Variants in THSD7A observed in about 807,000 individuals in gnomAD.
THSD7A encodes the protein thrombospondin type 1 domain containing 7A.
In THSD7A, 96 loss-of-function variants were observed where a neutral mutation model predicts 231.3. The ratio of observed to expected loss-of-function variants is 0.41; its 90% CI spans 0.35 to 0.49. The LOEUF is 0.49. THSD7A is among the 20% of genes least tolerant of loss of function. THSD7A has a pLI of 0.05. For missense variants in THSD7A, 2,290 were observed against 2,070.2 expected (o/e 1.11, Z -2.06); for synonymous variants, 940 against 743.3 (o/e 1.26, Z -4.30).
chr7:11,623,456 C>T (rs1314212934), intron 2 of THSD7A, among the ~76,000 whole-genome samples: 3 of 152,022 alleles, frequency 2.0e-5, no homozygotes, highest in African/African-American at 7.2e-5. Context: ...AGTCCTCCTT[C>T]CTTATTCATC....
intron 23 of THSD7A, among the ~76,000 whole-genome samples, chr7:11,396,100 A>C (rs1287466267): frequency 2.0e-5 from 3 of 152,242 alleles, no homozygotes; most frequent in Admixed American, 6.5e-5. Flanking sequence ...GAAACCAATG[A>C]GTTCAAAGAC....
At chr7:11,558,495 T>A (rs1789940800) in intron 4 of THSD7A, among the ~76,000 whole-genome samples, 2 of 152,126 alleles carry the variant, frequency 1.3e-5, no homozygotes, top group Admixed American at 1.3e-4. Context: ...TCACAGAACT[T>A]TCTGTTTTAA....
Position 11,592,097 on chromosome 7 carries a change from A to C in THSD7A, c.1271+1157T>G, listed in dbSNP as rs542181432. ...GAGAGAAAATACAGGAAATCCTGGC[A>C]ACTTCCTTGAGCCTATTATGTGGGG... is the stretch of plus-strand genomic sequence containing the variant. On this transcript the variant is annotated intron_variant, in intron 3 of 27. Transcript: ENST00000423059. Among the ~76,000 whole-genome samples, 9 of 152,324 alleles carry C rather than the reference A, an allele frequency of 5.9e-5. No homozygotes were observed. In the South Asian group the frequency reaches 1.0e-3, roughly 18 times the overall value.
intron 23 of THSD7A, among the ~76,000 whole-genome samples, chr7:11,400,621 T>G (rs963357222): frequency 2.8e-4 from 42 of 152,214 alleles, no homozygotes; most frequent in Admixed American, 2.0e-4. Context: ...TACTCTTTAC[T>G]TATCCTATGC....
At chr7:11,826,812 CA>C (rs3037773) in intron 1 of THSD7A, among the ~76,000 whole-genome samples, 6,801 of 120,560 alleles carry the variant, frequency 0.056, 437 homozygotes, top group African/African-American at 0.19. Flanking sequence ...GCCTCTGTCT[CA>C]AAAAAAAAAA....
At chr7:11,724,802 T>C (rs1388278906) in intron 1 of THSD7A, among the ~76,000 whole-genome samples, 1 of 151,902 alleles carries the variant, frequency 6.6e-6, no homozygotes, top group Non-Finnish European at 1.5e-5. Context: ...GAAACATATG[T>C]ATAAGTAGAT....
intron 19 of THSD7A, among the ~76,000 whole-genome samples, chr7:11,408,408 GA>G (rs1783660748): frequency 6.6e-6 from 1 of 151,540 alleles, no homozygotes; most frequent in Admixed American, 6.6e-5. Flanking sequence ...TGAGGCAGGA[GA>G]ATTGCTTGAA....
At chr7:11,682,357 C>A (rs939885774) in intron 1 of THSD7A, among the ~76,000 whole-genome samples, 3 of 152,024 alleles carry the variant, frequency 2.0e-5, no homozygotes, top group Admixed American at 2.0e-4. Context: ...TTTAAGAGAT[C>A]TATCTCAAAT....
chr7:11,492,971 G>A (rs1583843933), intron 6 of THSD7A, among the ~76,000 whole-genome samples: 1 of 152,094 alleles, frequency 6.6e-6, no homozygotes. Context: ...AATGGAGGAA[G>A]TGCTCTATAA....
intron 6 of THSD7A, among the ~76,000 whole-genome samples, chr7:11,489,362 C>T (rs1562651853): frequency 6.6e-6 from 1 of 152,036 alleles, no homozygotes. Context: ...GCTATAGGCC[C>T]CTGACCTCTT....
At chr7:11,473,502 A>T (rs372807719) in intron 8 of THSD7A, among the ~76,000 whole-genome samples, 5 of 152,168 alleles carry the variant, frequency 3.3e-5, no homozygotes, top group African/African-American at 1.2e-4. Context: ...AAATCGACTC[A>T]TTTATCATTT....
intron 1 of THSD7A, among the ~76,000 whole-genome samples, chr7:11,787,949 T>C (rs897317766): frequency 6.6e-6 from 1 of 152,092 alleles, no homozygotes; most frequent in East Asian, 1.9e-4. Context: ...TCTCAGGCAT[T>C]AGTTCCATGT....
chr7:11,588,817 A>G (rs950496513), intron 4 of THSD7A, among the ~76,000 whole-genome samples: 7 of 152,204 alleles, frequency 4.6e-5, no homozygotes, highest in African/African-American at 1.7e-4. Flanking sequence ...GCAGCCATTA[A>G]AGTGGCCAAG....
chr7:11,586,714 T>C (rs972208137), intron 4 of THSD7A, among the ~76,000 whole-genome samples: 1 of 152,338 alleles, frequency 6.6e-6, no homozygotes, highest in African/African-American at 2.4e-5. Flanking sequence ...CATTTAGCAA[T>C]GGTGTGACTA....
intron 9 of THSD7A, among the ~76,000 whole-genome samples, chr7:11,469,495 C>G (rs772133452): frequency 1.3e-4 from 19 of 151,980 alleles, no homozygotes; most frequent in Non-Finnish European, 1.8e-4. Flanking sequence ...CAAATCTGGT[C>G]CCATGTTATT....
At chr7:11,598,870 G>A (rs945033992) in intron 2 of THSD7A, among the ~76,000 whole-genome samples, 3 of 152,086 alleles carry the variant, frequency 2.0e-5, no homozygotes, top group African/African-American at 7.2e-5. Flanking sequence ...CTGCCACCAG[G>A]AGACACAACA....
At chr7:11,569,893 C>T (rs967356507) in intron 4 of THSD7A, among the ~76,000 whole-genome samples, 1 of 152,122 alleles carries the variant, frequency 6.6e-6, no homozygotes, top group Non-Finnish European at 1.5e-5. Flanking sequence ...TGAAACTAGG[C>T]TGGGCACAGT....
rs975150054 is a variant in THSD7A, at chr7:11,488,760, C to G, written c.1823-6778G>C. 2.6e-5 allele frequency among the ~76,000 whole-genome samples: 4 copies of G among 152,234 alleles called. No individual in the cohort carries two copies. The South Asian group carries it at 6.2e-4, about 24-fold the overall frequency. ...TATTAGCTGAAAACCAACTTCCTCACTAGAACAAAGAAAATAGAAATCTTC... is the reference window on the plus strand; with the variant it reads ...TATTAGCTGAAAACCAACTTCCTCAGTAGAACAAAGAAAATAGAAATCTTC... On this transcript the variant is annotated intron_variant, in intron 6 of 27. Coordinates refer to ENST00000423059, the MANE Select transcript of THSD7A (RefSeq NM_015204.3).
At chr7:11,684,201 C>G (rs190469058) in intron 1 of THSD7A, among the ~76,000 whole-genome samples, 17 of 151,782 alleles carry the variant, frequency 1.1e-4, no homozygotes, top group Admixed American at 2.6e-4. Context: ...TGTTAAAAAT[C>G]CTCAACAAAC....
Sources: allele counts gnomAD v4.1 joint callset (sites outside exome capture counted in the v4.1 genomes callset), GRCh38; gene constraint gnomAD v4.1.1; transcripts MANE v1.5; gene names NCBI Gene and HGNC (gene_info 2026-07-23, HGNC 2026-07-21).